Variants in TAFA5 observed in about 807,000 individuals in gnomAD.
The protein encoded by TAFA5 is chemokine-like protein TAFA-5.
A neutral mutation model predicts 15.3 loss-of-function variants in TAFA5; 6 were observed. The observed-to-expected ratio is 0.39, with a 90% CI of 0.21 to 0.77. The LOEUF (loss-of-function observed/expected upper bound fraction) is 0.77, where lower values mean the gene tolerates loss of function less well. Ranked by LOEUF, TAFA5 falls within the 30% of genes least tolerant of loss-of-function variation. The pLI is 0.41. For missense variants in TAFA5, 161 were observed against 193.1 expected, an observed-to-expected ratio of 0.83 and a Z score of 0.98; for synonymous variants, 103 against 80.7, an observed-to-expected ratio of 1.28 and a Z score of -1.48.
intron 3 of TAFA5, among the ~76,000 whole-genome samples, chr22:48,723,262 C>T (rs1011326851): frequency 5.3e-5 from 8 of 152,134 alleles, no homozygotes; most frequent in East Asian, 1.9e-4. Context: ...TGAAATACGA[C>T]GTGTGGCATG....
At chr22:48,500,352 G>A (rs1920945366) in intron 1 of TAFA5, among the ~76,000 whole-genome samples, 1 of 152,188 alleles carries the variant, frequency 6.6e-6, no homozygotes, top group African/African-American at 2.4e-5. Context: ...GGACTGATGG[G>A]ATTTTGCTTG....
intron 2 of TAFA5, among the ~76,000 whole-genome samples, chr22:48,654,869 G>A (rs1927182253): frequency 6.6e-6 from 1 of 152,046 alleles, no homozygotes; most frequent in Non-Finnish European, 1.5e-5. Flanking sequence ...GGGGCAAGCA[G>A]GGAGCAACCT....
intron 2 of TAFA5, among the ~76,000 whole-genome samples, chr22:48,706,347 C>T (rs1048619553): frequency 1.3e-5 from 2 of 152,192 alleles, no homozygotes; most frequent in Admixed American, 1.3e-4. Context: ...CAGTGAGGAC[C>T]CCGAGGAACT....
intron 2 of TAFA5, among the ~76,000 whole-genome samples, chr22:48,691,863 G>A (rs759139576): frequency 1.3e-5 from 2 of 152,184 alleles, no homozygotes; most frequent in Admixed American, 1.3e-4. Context: ...TCCCAGGTGT[G>A]CTTGTTGGCT....
chr22:48,649,126 C>T (rs545282714), intron 2 of TAFA5, among the ~76,000 whole-genome samples: 6 of 152,332 alleles, frequency 3.9e-5, no homozygotes, highest in African/African-American at 1.4e-4. Flanking sequence ...GGGCCGCGGG[C>T]TCTTGGCTGA....
intron 1 of TAFA5, among the ~76,000 whole-genome samples, chr22:48,508,615 C>A (rs533066190): frequency 5.3e-4 from 80 of 152,278 alleles, no homozygotes; most frequent in Admixed American, 2.0e-3. Flanking sequence ...CAGGACTCAA[C>A]CCAAGCGTTC....
At chr22:48,582,005 C>A (rs1415941302) in intron 1 of TAFA5, among the ~76,000 whole-genome samples, 1 of 152,140 alleles carries the variant, frequency 6.6e-6, no homozygotes, top group Admixed American at 6.5e-5. Context: ...TTCGCTCACA[C>A]ACGCACCCAG....
At chr22:48,661,020 G>A (rs1013943803) in intron 2 of TAFA5, among the ~76,000 whole-genome samples, 13 of 152,188 alleles carry the variant, frequency 8.5e-5, no homozygotes, top group African/African-American at 3.1e-4. Flanking sequence ...ATTCATTCCA[G>A]CTCCACTATT....
intron 2 of TAFA5, among the ~76,000 whole-genome samples, chr22:48,662,968 C>T (rs187012745): frequency 1.2e-4 from 18 of 152,186 alleles, no homozygotes; most frequent in Non-Finnish European, 2.4e-4. Flanking sequence ...TCAGACCACT[C>T]GGCAGATCTG....
intron 2 of TAFA5, among the ~76,000 whole-genome samples, chr22:48,706,425 A>G (rs1019591277): frequency 5.3e-5 from 8 of 152,234 alleles, no homozygotes; most frequent in Non-Finnish European, 8.8e-5. Flanking sequence ...GAAGCGAGCC[A>G]CATGCAGTCC....
chr22:48,504,999 C>A (rs139505457), intron 1 of TAFA5, among the ~76,000 whole-genome samples: 2 of 152,204 alleles, frequency 1.3e-5, no homozygotes, highest in Non-Finnish European at 2.9e-5. Context: ...CCCTGCCTGC[C>A]AGCCACACTG....
intron 2 of TAFA5, among the ~76,000 whole-genome samples, chr22:48,648,044 T>C (rs1018449003): frequency 2.6e-5 from 4 of 151,986 alleles, no homozygotes; most frequent in Non-Finnish European, 4.4e-5. Context: ...GCCGAGGATA[T>C]GTAGGGGTGT....
At chr22:48,619,908 A>G (rs1248508567) in intron 1 of TAFA5, among the ~76,000 whole-genome samples, 1 of 152,180 alleles carries the variant, frequency 6.6e-6, no homozygotes, top group African/African-American at 2.4e-5. Flanking sequence ...GCTCCCTGAA[A>G]GTTGTGCATC....
intron 3 of TAFA5, among the ~76,000 whole-genome samples, chr22:48,740,824 T>C (rs11912557): frequency 5.7e-4 from 87 of 152,254 alleles, no homozygotes; most frequent in African/African-American, 2.1e-3. Context: ...GCCTCACAAT[T>C]GCCCTGTTCT....
intron 1 of TAFA5, among the ~76,000 whole-genome samples, chr22:48,594,789 C>G (rs1008171846): frequency 1.3e-5 from 2 of 152,086 alleles, no homozygotes; most frequent in African/African-American, 4.8e-5. Context: ...GACGGATGGG[C>G]GTAAGGACGG....
rs539140313 is a variant in TAFA5, at chr22:48,536,859, G to A, written c.112+47155G>A. On this transcript the variant is annotated intron_variant, in intron 1 of 3. Coordinates refer to ENST00000402357, the MANE Select transcript of TAFA5 (RefSeq NM_001082967.3). The stretch of plus-strand genomic sequence containing the variant: ...GTGTGTGGAGGAGTGGCTGGGAGCT[G>A]CCCCACAGACCCGAGGCAGCCCCCG... Among the ~76,000 whole-genome samples the A allele has an allele frequency of 1.8e-3, 279 of 152,314 alleles. 3 individuals carry two copies. The highest frequency in any genetic ancestry group is 6.5e-3 in the African/African-American group (271 of 41,562).
intron 1 of TAFA5, among the ~76,000 whole-genome samples, chr22:48,567,457 G>A (rs1330222031): frequency 6.6e-6 from 1 of 152,238 alleles, no homozygotes; most frequent in Non-Finnish European, 1.5e-5. Flanking sequence ...AATGTGTGCA[G>A]AGAAAAGATA....
intron 1 of TAFA5, among the ~76,000 whole-genome samples, chr22:48,541,010 G>A (rs574078919): frequency 6.6e-6 from 1 of 152,288 alleles, no homozygotes; most frequent in South Asian, 2.1e-4. Flanking sequence ...GCTCACCAAA[G>A]GAAAATGGGG....
chr22:48,691,980 A>C lies in TAFA5; in HGVS notation c.263-15737A>C, dbSNP rs1372691520. Among the ~76,000 whole-genome samples, 10 of 152,224 alleles carry C rather than the reference A, an allele frequency of 6.6e-5. No individual in the cohort carries two copies. The East Asian group carries it at 1.9e-3, about 29-fold the overall frequency. ...CCCTGGAGGGCTGAGTCGTCCTCCA[A>C]AGGGGCCTGTGCCACCAGCTCCTAG... On this transcript the variant is annotated intron_variant, in intron 2 of 3. Transcript: ENST00000402357.
Sources: gnomAD v4.1 joint callset for allele counts (sites outside exome capture counted in the v4.1 genomes callset) on GRCh38, gnomAD v4.1.1 for gene constraint, MANE v1.5 for transcripts, NCBI Gene and HGNC (gene_info 2026-07-23, HGNC 2026-07-21) for gene names.